Variants in TAS2R1 observed in about 807,000 individuals in gnomAD.
TAS2R1 encodes the protein taste receptor type 2 member 1.
For missense variants in TAS2R1, 370 were observed against 353.4 expected, an observed-to-expected ratio of 1.05 and a Z score of -0.38; for synonymous variants, 141 against 134.2, an observed-to-expected ratio of 1.05 and a Z score of -0.35.
At chr5:9,642,519 A>C (rs1374382008) in intron 2 of TAS2R1, among the ~76,000 whole-genome samples, 2 of 152,194 alleles carry the variant, frequency 1.3e-5, no homozygotes. Context: ...AGATTCTTTC[A>C]GGCTAATCAT....
chr5:9,694,631 C>T (rs1001743781), intron 1 of TAS2R1, among the ~76,000 whole-genome samples: 9 of 152,128 alleles, frequency 5.9e-5, no homozygotes, highest in African/African-American at 2.2e-4. Flanking sequence ...AATTGTAGAT[C>T]TTTCATGTTA....
chr5:9,829,829 T>G, the TAS2R1 span, among the ~76,000 whole-genome samples: 1 of 151,604 alleles, frequency 6.6e-6, no homozygotes, highest in African/African-American at 2.4e-5. Context: ...CCACAGGCAG[T>G]GTACCCCAAG....
chr5:9,654,625 A>G (rs1224726718), intron 2 of TAS2R1, among the ~76,000 whole-genome samples: 1 of 152,232 alleles, frequency 6.6e-6, no homozygotes, highest in African/African-American at 2.4e-5. Flanking sequence ...TGGTATTTAA[A>G]GCAATGGAGC....
intron 1 of TAS2R1, among the ~76,000 whole-genome samples, chr5:9,660,394 A>AT (rs1740511793): frequency 6.6e-6 from 1 of 152,052 alleles, no homozygotes; most frequent in South Asian, 2.1e-4. Context: ...TTCTAAACAG[A>AT]TAAAAAATAG....
At chr5:9,803,603 A>G in the TAS2R1 span, among the ~76,000 whole-genome samples, 41 of 152,214 alleles carry the variant, frequency 2.7e-4, no homozygotes, top group African/African-American at 9.6e-4. Flanking sequence ...TCCTCAAACA[A>G]AGCAAATATC....
At chr5:9,787,896 A>G in the TAS2R1 span, among the ~76,000 whole-genome samples, 1 of 152,214 alleles carries the variant, frequency 6.6e-6, no homozygotes, top group Admixed American at 6.5e-5. Flanking sequence ...GGCACTTTGA[A>G]TTAGACTTTG....
the TAS2R1 span, among the ~76,000 whole-genome samples, chr5:9,859,755 TCAA>T: frequency 4.6e-5 from 7 of 152,166 alleles, no homozygotes; most frequent in Non-Finnish European, 1.0e-4. Flanking sequence ...CAAACATGCT[TCAA>T]CAACAGGATC....
chr5:9,727,273 T>C, the TAS2R1 span, among the ~76,000 whole-genome samples: 6 of 152,216 alleles, frequency 3.9e-5, no homozygotes, highest in Non-Finnish European at 7.3e-5. Context: ...TCTTAGTACA[T>C]TTCCACCAGG....
chr5:9,772,056 T>C, the TAS2R1 span, among the ~76,000 whole-genome samples: 2 of 152,114 alleles, frequency 1.3e-5, no homozygotes, highest in African/African-American at 2.4e-5. Context: ...TTGAGTTCTA[T>C]TTGCCCTTGC....
chr5:9,851,193 G>T, the TAS2R1 span, among the ~76,000 whole-genome samples: 2 of 152,048 alleles, frequency 1.3e-5, no homozygotes, highest in South Asian at 4.1e-4. Context: ...TGTTTATAGA[G>T]AGAATGATAC....
At chr5:9,869,991 C>T in the TAS2R1 span, 4 of 152,044 alleles carry the variant, frequency 2.6e-5, no homozygotes, top group Non-Finnish European at 5.9e-5. Context: ...GTTGTTTTAC[C>T]ATGTACTTCT....
chr5:9,791,112 A>C, the TAS2R1 span, among the ~76,000 whole-genome samples: 4 of 152,188 alleles, frequency 2.6e-5, no homozygotes, highest in Non-Finnish European at 4.4e-5. Context: ...TGAGTGAACC[A>C]TATGCTCACT....
the TAS2R1 span, among the ~76,000 whole-genome samples, chr5:9,897,397 C>G: frequency 6.6e-6 from 1 of 152,122 alleles, no homozygotes; most frequent in South Asian, 2.1e-4. Flanking sequence ...TGCAGTGAGC[C>G]GAGATCACGC....
chr5:9,630,236 T>C lies in TAS2R1; in HGVS notation c.-204A>G. ...CTGAGACAGTCAAATAAGGAGGAGATACTCTAGCATCAATTTGCTTCTTAT... is the reference window on the plus strand; with the variant it reads ...CTGAGACAGTCAAATAAGGAGGAGACACTCTAGCATCAATTTGCTTCTTAT... On this transcript the variant is annotated 5_prime_UTR_variant, in exon 1 of 1. Transcript: ENST00000382492. 2.5e-6 allele frequency: 1 copy of C among 406,246 alleles called. No homozygotes were observed. Among genetic ancestry groups the C allele is most frequent in the Non-Finnish European group, 4.5e-6 (1 of 223,224 alleles). The allele number at this position is 406,246 out of a possible 1,614,324, so 25.2% of individuals were successfully genotyped here.
the TAS2R1 span, among the ~76,000 whole-genome samples, chr5:9,809,213 C>T: frequency 6.6e-6 from 1 of 152,082 alleles, no homozygotes; most frequent in African/African-American, 2.4e-5. Context: ...AATTTTAGAG[C>T]TGATGCTAGA....
the TAS2R1 span, among the ~76,000 whole-genome samples, chr5:9,890,488 A>G: frequency 6.6e-6 from 1 of 152,126 alleles, no homozygotes; most frequent in Non-Finnish European, 1.5e-5. Context: ...TCTCCTCCCC[A>G]GCTTTCCAAC....
At chr5:9,663,888 C>G (rs969131614) in intron 1 of TAS2R1, among the ~76,000 whole-genome samples, 1 of 152,182 alleles carries the variant, frequency 6.6e-6, no homozygotes, top group Non-Finnish European at 1.5e-5. Flanking sequence ...GAGGCAGAGA[C>G]TGAAGCAATG....
At chr5:9,771,127 G>GT in the TAS2R1 span, among the ~76,000 whole-genome samples, 1 of 152,128 alleles carries the variant, frequency 6.6e-6, no homozygotes, top group South Asian at 2.1e-4. Context: ...TTTATAAACT[G>GT]TTTTTTCAGC....
At chr5:9,895,492 T>A in the TAS2R1 span, among the ~76,000 whole-genome samples, 3 of 152,236 alleles carry the variant, frequency 2.0e-5, no homozygotes, top group Non-Finnish European at 4.4e-5. Context: ...GTCTGCTGAT[T>A]ACTGGAATAG....
Sources: gnomAD v4.1 joint callset for allele counts (sites outside exome capture counted in the v4.1 genomes callset) on GRCh38, gnomAD v4.1.1 for gene constraint, MANE v1.5 for transcripts, NCBI Gene and HGNC (gene_info 2026-07-23, HGNC 2026-07-21) for gene names.